The following ANXA1 variants were observed in gnomAD, a reference collection of about 807,000 sequenced individuals.
ANXA1 encodes annexin I (lipocortin I).
Under a neutral mutation model 47.9 loss-of-function variants are expected in ANXA1, and 39 were observed. The ratio of observed to expected loss-of-function variants is 0.81; its 90% CI spans 0.63 to 1.06. ANXA1 has a LOEUF of 1.06. Ranked by LOEUF, ANXA1 falls within the 50% of genes least tolerant of loss-of-function variation. The pLI is 0.00. For missense variants in ANXA1, 446 were observed against 422.7 expected (o/e 1.06, Z -0.48); for synonymous variants, 146 against 142.5 (o/e 1.02, Z -0.17).
chr9:73,161,993 G>A (rs1824150452), intron 6 of ANXA1, among the ~76,000 whole-genome samples: 1 of 152,026 alleles, frequency 6.6e-6, no homozygotes, highest in African/African-American at 2.4e-5. Flanking sequence ...TTTTGATGAG[G>A]GCCTCATACT....
At position 73,163,471 on chromosome 9, in the gene ANXA1, T is replaced by C; in HGVS notation, c.556-5T>C. 1 of 1,612,760 alleles carries C rather than the reference T, an allele frequency of 6.2e-7. No homozygotes were observed. The highest frequency in any genetic ancestry group is 8.5e-7 in the Non-Finnish European group (1 of 1,179,044). On this transcript the variant is annotated splice_polypyrimidine_tract_variant and splice_region_variant and intron_variant, in intron 7 of 12. Transcript: ENST00000257497. Reference sequence around the variant, plus strand: ...GAGCTTACAATAGAATGGGATTTCTTTCAGGGTGACCGATCTGAGGACTTT... The same window carrying C: ...GAGCTTACAATAGAATGGGATTTCTCTCAGGGTGACCGATCTGAGGACTTT...
chr9:73,169,776 T>A (rs1350099998), intron 12 of ANXA1, among the ~76,000 whole-genome samples: 1 of 152,160 alleles, frequency 6.6e-6, no homozygotes, highest in Non-Finnish European at 1.5e-5. Context: ...GTTATACTTA[T>A]TTAATTTTGT....
At chr9:73,162,363 C>T (rs1006373963) in intron 6 of ANXA1, among the ~76,000 whole-genome samples, 1 of 152,202 alleles carries the variant, frequency 6.6e-6, no homozygotes, top group Non-Finnish European at 1.5e-5. Flanking sequence ...ACTTATAAGA[C>T]ATTTATAGTT....
chr9:73,168,783 C>T (rs1206688909), intron 11 of ANXA1: 3 of 306,726 alleles, frequency 9.8e-6, no homozygotes, highest in South Asian at 6.0e-5. Flanking sequence ...GTGTAGAGAC[C>T]GGATGGTGAG....
rs751716730 is a variant in ANXA1 at position 73,169,158 on chromosome 9, TG to T, written c.984+5del. ...CTCCCTTTGCCAAGCCATCCTGGTA[TG>T]TTTTGATTCCTCTAATGCCATCCCA... On this transcript the variant is annotated splice_donor_5th_base_variant and intron_variant, in intron 12 of 12. Coordinates refer to ENST00000257497, the MANE Select transcript of ANXA1 (RefSeq NM_000700.3). 7 of 1,605,542 alleles carry T rather than the reference TG, an allele frequency of 4.4e-6. No homozygotes were observed. The South Asian group carries it at 7.8e-5, about 18-fold the overall frequency.
Position 73,158,725 on chromosome 9 carries a change from G to C in ANXA1, c.97G>C (p.Gly33Arg). 1.2e-6 allele frequency: 2 copies of C among 1,613,760 alleles called. No individual in the cohort carries two copies. The highest frequency in any genetic ancestry group is 1.1e-5 in the South Asian group (1 of 91,068). The stretch of plus-strand genomic sequence containing the variant: ...TGTGAAGTCATCCAAAGGTGGTCCC[G>C]GATCAGCGGTGAGCCCCTATCCTAC... ...QTVKSSKGGP[G>R]SAVSPYPTFN... The change falls in exon 3 of 13, where the codon GGA (glycine) becomes CGA (arginine). Residue 33 changes from glycine to arginine, a missense_variant. Gly to Arg is a moderately radical substitution (Grantham distance 125, BLOSUM62 -2). Transcript: ENST00000257497.
intron 8 of ANXA1, 144 bp downstream of exon 8, chr9:73,163,676 T>C: frequency 1.4e-6 from 1 of 736,192 alleles, no homozygotes; most frequent in Non-Finnish European, 2.2e-6. Context: ...GAGGCATGTC[T>C]TTCTGTAGCC....
At chr9:73,165,941 A>G (rs1292874361) in intron 9 of ANXA1, among the ~76,000 whole-genome samples, 156 bp from the exon 10 acceptor site, 1 of 152,148 alleles carries the variant, frequency 6.6e-6, no homozygotes, top group Non-Finnish European at 1.5e-5. Flanking sequence ...GAGAGGATGA[A>G]GTATTCACGT....
chr9:73,162,750 T>A, intron 6 of ANXA1, 32 bp from the exon 7 acceptor site: 1 of 1,522,572 alleles, frequency 6.6e-7, no homozygotes, highest in South Asian at 1.2e-5. Context: ...CATCACTGGT[T>A]TACTATAAAA....
chr9:73,161,273 G>T (rs866873336), intron 6 of ANXA1, among the ~76,000 whole-genome samples: 34 of 151,544 alleles, frequency 2.2e-4, no homozygotes, highest in Middle Eastern at 3.4e-3. Context: ...CATTTTTTTT[G>T]AAAAGAATAT....
rs1466673080 is a variant in ANXA1 at position 73,162,783 on chromosome 9, A to G, written c.477A>G (p.Glu159=). ...IRDINRVYRE[E]LKRDLAKDIT... is the part of the protein sequence containing the mutation. The stretch of plus-strand genomic sequence containing the variant: ...AAATCTATTTTTCTTTTTTCTCAGA[A>G]CTGAAGAGAGATCTGGCCAAAGACA... The change falls in exon 7 of 13, where the codon GAA becomes GAG. Residue 159 remains glutamate, a splice_region_variant and synonymous_variant. Transcript: ENST00000257497. The G allele has an allele frequency of 8.7e-6, 14 of 1,611,096 alleles. No individual in the cohort carries two copies. The highest frequency in any genetic ancestry group is 1.1e-5 in the Non-Finnish European group (13 of 1,178,224).
chr9:73,160,294 C>A lies in ANXA1; in HGVS notation c.302C>A (p.Thr101Lys), dbSNP rs779281935. 1.7e-5 allele frequency: 27 copies of A among 1,578,938 alleles called. No homozygotes were observed. The highest frequency in any genetic ancestry group is 2.0e-5 in the Admixed American group (1 of 49,904). Residue 101 changes from threonine to lysine, a missense_variant, in exon 5 of 13, where the codon ACA (threonine) becomes AAA (lysine). Thr to Lys is a moderately conservative substitution (Grantham distance 78). Transcript: ENST00000257497. ...GATGAAACACTGAAGAAAGCCCTTA[C>A]AGGTCACCTTGAGGAGGTTGTTTTA... ...PLDETLKKAL[T>K]GHLEEVVLAL...
intron 11 of ANXA1, 121 bp from the exon 12 acceptor site, chr9:73,168,911 G>GTGTGTGTGTA (rs758329040): frequency 8.0e-6 from 6 of 754,064 alleles, no homozygotes; most frequent in African/African-American, 3.6e-5. Context: ...GTGTGTGTGT[G>GTGTGTGTGTA]TATAGCTAGT....
intron 12 of ANXA1, among the ~76,000 whole-genome samples, chr9:73,169,500 A>T (rs1824289006): frequency 6.6e-6 from 1 of 152,146 alleles, no homozygotes; most frequent in South Asian, 2.1e-4. Context: ...TCCTTATTCA[A>T]AATATTTATC....
At chr9:73,154,217 T>G in intron 1 of ANXA1, 1 of 990,318 alleles carries the variant, frequency 1.0e-6, no homozygotes, top group Admixed American at 2.3e-5. Context: ...GGGAAGGACT[T>G]GTGAAATACA....
intron 11 of ANXA1, chr9:73,168,623 A>T (rs1824271489): frequency 6.4e-6 from 1 of 155,756 alleles, no homozygotes; most frequent in Non-Finnish European, 1.4e-5. Context: ...GGATATTGTA[A>T]GCCTTGAAAA....
At position 73,158,755 on chromosome 9, in the gene ANXA1, A is replaced by G. The variant is rs11557052; in HGVS notation, c.127A>G (p.Asn43Asp). Residue 43 changes from asparagine (N) to aspartate (D), a missense_variant, in exon 3 of 13, where the codon AAT becomes GAT. Coordinates refer to ENST00000257497, the MANE Select transcript of ANXA1 (RefSeq NM_000700.3). ...GSAVSPYPTF[N>D]PSSDVAALHK... is the part of the protein sequence containing the mutation. ...AGCGGTGAGCCCCTATCCTACCTTCAATCCATCCTCGGATGTCGCTGCCTT... is the reference window on the plus strand; with the variant it reads ...AGCGGTGAGCCCCTATCCTACCTTCGATCCATCCTCGGATGTCGCTGCCTT... 10 of 1,613,736 alleles carry G rather than the reference A, an allele frequency of 6.2e-6. No individual in the cohort carries two copies. Among genetic ancestry groups the G allele is most frequent in the Non-Finnish European group, 8.5e-6 (10 of 1,179,816 alleles).
intron 1 of ANXA1, chr9:73,154,308 C>A: frequency 7.3e-7 from 1 of 1,365,998 alleles, no homozygotes; most frequent in Non-Finnish European, 9.8e-7. Flanking sequence ...CTACGGTCTG[C>A]GCAAGTTGAC....
At position 73,165,491 on chromosome 9, in the gene ANXA1, G is replaced by A. The variant is rs80175954; in HGVS notation, c.706+282G>A. 3.9e-3 allele frequency: 786 copies of A among 199,022 alleles called. 6 individuals carry two copies. Among genetic ancestry groups the A allele is most frequent in the African/African-American group, 0.018 (697 of 39,456 alleles). The allele number at this position is 199,022 out of a possible 1,614,324, so 12.3% of individuals were successfully genotyped here. On this transcript the variant is annotated intron_variant, in intron 9 of 12. Transcript: ENST00000257497. ...AAGATTTGGAATATGTGTGGGAAAAGACATGCATAACAGAACAAATGAAAT... is the reference window on the plus strand; with the variant it reads ...AAGATTTGGAATATGTGTGGGAAAAAACATGCATAACAGAACAAATGAAAT...
Sources: allele counts gnomAD v4.1 joint callset (sites outside exome capture counted in the v4.1 genomes callset), GRCh38; gene constraint gnomAD v4.1.1; transcripts MANE v1.5; gene names NCBI Gene and HGNC (gene_info 2026-07-23, HGNC 2026-07-21).